The following KCNT2 variants were observed in gnomAD, a reference collection of about 807,000 sequenced individuals.
KCNT2 encodes potassium channel subfamily T member 2.
A neutral mutation model predicts 153.8 loss-of-function variants in KCNT2; 67 were observed. The ratio of observed to expected loss-of-function variants is 0.44; its 90% CI spans 0.36 to 0.53. The LOEUF is 0.53. Among genes scored for constraint, KCNT2 ranks in the 20% least tolerant of loss-of-function variants. KCNT2 has a pLI of 0.00. For synonymous variants in KCNT2, 500 were observed against 458.8 expected, an observed-to-expected ratio of 1.09 and a Z score of -1.15; for missense variants, 975 against 1,354.8, an observed-to-expected ratio of 0.72 and a Z score of 4.40.
chr1:196,331,918 G>A (rs1199330618), intron 17 of KCNT2, among the ~76,000 whole-genome samples: 1 of 151,990 alleles, frequency 6.6e-6, no homozygotes, highest in Non-Finnish European at 1.5e-5. Context: ...AGAGAATTTA[G>A]CTTGCTGACT....
intron 1 of KCNT2, among the ~76,000 whole-genome samples, chr1:196,587,913 ATT>A (rs1168972232): frequency 1.3e-5 from 2 of 152,064 alleles, no homozygotes; most frequent in African/African-American, 4.8e-5. Context: ...CAAATATCTA[ATT>A]AATTTGAGAG....
Position 196,565,414 on chromosome 1 carries a change from C to T in KCNT2, c.95+42801G>A, listed in dbSNP as rs117117849. 5.1e-4 allele frequency among the ~76,000 whole-genome samples: 77 copies of T among 151,682 alleles called. 1 individual carries two copies. The East Asian group carries it at 0.015, about 29-fold the overall frequency. ...TCAAAAAAATAAAAAAATAGAACTG[C>T]CGTGTCATCCCATTGCTGGGTATAC... is the stretch of plus-strand genomic sequence containing the variant. On this transcript the variant is annotated intron_variant, in intron 1 of 27. Transcript: ENST00000294725.
intron 5 of KCNT2, among the ~76,000 whole-genome samples, chr1:196,472,154 A>T (rs975672261): frequency 9.2e-5 from 14 of 152,146 alleles, no homozygotes; most frequent in Admixed American, 4.6e-4. Flanking sequence ...TAATTTTTTA[A>T]AATGCTTGTT....
intron 1 of KCNT2, among the ~76,000 whole-genome samples, chr1:196,606,093 G>T (rs531259292): frequency 1.3e-5 from 2 of 152,106 alleles, no homozygotes; most frequent in African/African-American, 2.4e-5. Flanking sequence ...AGAACATACC[G>T]CACAGTTAAA....
chr1:196,568,743 C>T (rs1660423310), intron 1 of KCNT2, among the ~76,000 whole-genome samples: 1 of 151,128 alleles, frequency 6.6e-6, no homozygotes, highest in South Asian at 2.1e-4. Flanking sequence ...GTCAGTGGTC[C>T]TGAGGCTGGG....
At chr1:196,553,180 T>A (rs1335274557) in intron 1 of KCNT2, among the ~76,000 whole-genome samples, 3 of 150,614 alleles carry the variant, frequency 2.0e-5, no homozygotes, top group African/African-American at 7.3e-5. Context: ...AATCACTTCC[T>A]CTATAATGAA....
chr1:196,549,536 A>C (rs1031519340), intron 1 of KCNT2, among the ~76,000 whole-genome samples: 1 of 151,882 alleles, frequency 6.6e-6, no homozygotes, highest in Non-Finnish European at 1.5e-5. Context: ...TTGTGACTTA[A>C]GTTAAATCCT....
intron 25 of KCNT2, among the ~76,000 whole-genome samples, chr1:196,260,140 CT>C (rs1240023785): frequency 6.6e-6 from 1 of 151,764 alleles, no homozygotes; most frequent in Non-Finnish European, 1.5e-5. Flanking sequence ...TTGAAGTGAT[CT>C]TTTTGTTCCT....
intron 8 of KCNT2, among the ~76,000 whole-genome samples, chr1:196,452,603 G>T (rs113936847): frequency 1.3e-5 from 2 of 152,026 alleles, no homozygotes; most frequent in South Asian, 4.1e-4. Flanking sequence ...TGTCTGTCTT[G>T]TCATTTGACT....
chr1:196,271,523 T>C (rs1239460939), intron 25 of KCNT2, among the ~76,000 whole-genome samples: 1 of 152,014 alleles, frequency 6.6e-6, no homozygotes, highest in Non-Finnish European at 1.5e-5. Context: ...AGTGTGCCAG[T>C]GAAACTCTTA....
intron 16 of KCNT2, among the ~76,000 whole-genome samples, chr1:196,334,701 G>T (rs901753141): frequency 6.6e-6 from 1 of 151,716 alleles, no homozygotes; most frequent in Admixed American, 6.6e-5. Context: ...CCACATATGG[G>T]GAGCACTGTT....
At chr1:196,410,549 C>G (rs977358023) in intron 12 of KCNT2, among the ~76,000 whole-genome samples, 4 of 150,918 alleles carry the variant, frequency 2.7e-5, no homozygotes, top group African/African-American at 9.7e-5. Context: ...CACATGTACC[C>G]TAAAACTTAA....
At chr1:196,605,420 G>A (rs1558129789) in intron 1 of KCNT2, among the ~76,000 whole-genome samples, 2 of 152,160 alleles carry the variant, frequency 1.3e-5, no homozygotes, top group Non-Finnish European at 2.9e-5. Context: ...AAGCTAAGGA[G>A]CAAGGAAGCA....
intron 21 of KCNT2, among the ~76,000 whole-genome samples, chr1:196,314,346 C>T (rs1028291607): frequency 2.6e-5 from 4 of 151,300 alleles, no homozygotes; most frequent in African/African-American, 9.7e-5. Flanking sequence ...TAAATCTCAT[C>T]CTTGAATTAA....
intron 25 of KCNT2, among the ~76,000 whole-genome samples, chr1:196,274,051 T>A (rs192638656): frequency 3.0e-4 from 45 of 151,798 alleles, no homozygotes; most frequent in African/African-American, 9.4e-4. Context: ...TACTATTTTT[T>A]AATTTCAGAT....
intron 1 of KCNT2, among the ~76,000 whole-genome samples, chr1:196,595,284 ATAT>A (rs1444788736): frequency 6.6e-6 from 1 of 152,132 alleles, no homozygotes; most frequent in Non-Finnish European, 1.5e-5. Context: ...TGAATTAATG[ATAT>A]TAATTCACTA....
chr1:196,247,123 A>G (rs1210786029), intron 26 of KCNT2, among the ~76,000 whole-genome samples: 1 of 152,202 alleles, frequency 6.6e-6, no homozygotes, highest in Admixed American at 6.6e-5. Flanking sequence ...ACCAAAAAAG[A>G]CTAGGAGAAA....
At chr1:196,345,485 C>A (rs953844063) in intron 14 of KCNT2, among the ~76,000 whole-genome samples, 1 of 152,084 alleles carries the variant, frequency 6.6e-6, no homozygotes, top group African/African-American at 2.4e-5. Context: ...ACAGAGGTAA[C>A]TAGCTGGGAG....
chr1:196,602,376 C>A (rs1431476019), intron 1 of KCNT2, among the ~76,000 whole-genome samples: 1 of 152,048 alleles, frequency 6.6e-6, no homozygotes, highest in Admixed American at 6.6e-5. Context: ...AACAGATGAA[C>A]CATCAATGAC....
Sources: gnomAD v4.1 joint callset for allele counts (sites outside exome capture counted in the v4.1 genomes callset) on GRCh38, gnomAD v4.1.1 for gene constraint, MANE v1.5 for transcripts, NCBI Gene and HGNC (gene_info 2026-07-23, HGNC 2026-07-21) for gene names.